The following LIN28B variants were observed in gnomAD, a reference collection of about 807,000 sequenced individuals.
LIN28B encodes lin-28 RNA binding posttranscriptional regulator B.
Under a neutral mutation model 21.9 loss-of-function variants are expected in LIN28B, and 5 were observed. The ratio of observed to expected loss-of-function variants is 0.23; its 90% CI spans 0.12 to 0.48. The LOEUF (loss-of-function observed/expected upper bound fraction) is 0.48. Ranked by LOEUF, LIN28B falls within the 20% of genes least tolerant of loss-of-function variation. The probability of loss-of-function intolerance (pLI) is 0.98; values close to 1 mark genes in which losing one functional copy is unlikely to be tolerated. For synonymous variants in LIN28B, 109 were observed against 111.3 expected (o/e 0.98, Z 0.13); for missense variants, 245 against 310.5 (o/e 0.79, Z 1.58).
intron 3 of LIN28B, among the ~76,000 whole-genome samples, chr6:105,048,063 A>G (rs896995024): frequency 1.3e-5 from 2 of 152,108 alleles, no homozygotes; most frequent in African/African-American, 4.8e-5. Flanking sequence ...GTGTTGAATA[A>G]GAGTGGTGAG....
At position 105,026,405 on chromosome 6, in the gene LIN28B, T is replaced by G. The variant is rs751434956; in HGVS notation, c.306T>G (p.Pro102=). ...KGLESIRVTG[P]GGSPCLGSER... is the part of the protein sequence containing the mutation. The stretch of plus-strand genomic sequence containing the variant: ...TTGAGTCAATACGGGTAACAGGACC[T>G]GGTGGGAGCCCCTGTTTAGGAAGTG... Residue 102 remains proline (P), a synonymous_variant, in exon 3 of 4, where the codon CCT becomes CCG. Transcript: ENST00000345080. 2.4e-5 allele frequency: 38 copies of G among 1,612,020 alleles called. No homozygotes were observed. Among genetic ancestry groups the G allele is most frequent in the Non-Finnish European group, 3.1e-5 (36 of 1,178,848 alleles).
chr6:105,029,104 G>A (rs575087851), intron 3 of LIN28B, among the ~76,000 whole-genome samples: 2 of 152,308 alleles, frequency 1.3e-5, no homozygotes, highest in South Asian at 2.1e-4. Context: ...TGACAAGAAC[G>A]GGCTGAGTGG....
intron 3 of LIN28B, among the ~76,000 whole-genome samples, chr6:105,053,646 C>T (rs566347033): frequency 6.7e-6 from 1 of 148,862 alleles, no homozygotes; most frequent in East Asian, 2.0e-4. Flanking sequence ...TTTGAAGTAT[C>T]CTTTGTCTGA....
chr6:105,054,991 T>C (rs1490199256), intron 3 of LIN28B, among the ~76,000 whole-genome samples: 1 of 152,208 alleles, frequency 6.6e-6, no homozygotes, highest in Non-Finnish European at 1.5e-5. Context: ...ACTTGTCAAC[T>C]GGTCTTCATT....
chr6:104,964,030 T>C (rs1769806824), intron 2 of LIN28B, among the ~76,000 whole-genome samples: 1 of 152,248 alleles, frequency 6.6e-6, no homozygotes, highest in South Asian at 2.1e-4. Flanking sequence ...AGTCCTTCAC[T>C]GTAATTTTTG....
chr6:105,012,766 C>A (rs1487750847), intron 2 of LIN28B, among the ~76,000 whole-genome samples: 7 of 151,948 alleles, frequency 4.6e-5, no homozygotes, highest in Non-Finnish European at 1.0e-4. Flanking sequence ...ATGGATAAAC[C>A]CCTAATATAC....
At chr6:104,941,259 G>T (rs898389641) in intron 2 of LIN28B, 4 of 152,292 alleles carry the variant, frequency 2.6e-5, no homozygotes, top group African/African-American at 9.6e-5. Context: ...TCCTTCGCCG[G>T]CCCTGATTTA....
intron 3 of LIN28B, among the ~76,000 whole-genome samples, chr6:105,069,751 T>C (rs1464324840): frequency 6.6e-6 from 1 of 151,874 alleles, no homozygotes; most frequent in African/African-American, 2.4e-5. Flanking sequence ...ATTGAACCTG[T>C]TCTTGATTGA....
intron 3 of LIN28B, among the ~76,000 whole-genome samples, chr6:105,033,923 A>G (rs971637077): frequency 1.3e-5 from 2 of 151,702 alleles, no homozygotes; most frequent in Admixed American, 1.3e-4. Context: ...CCTGTAGTAC[A>G]TAATTAAATA....
chr6:105,063,844 A>ATT (rs56230771), intron 3 of LIN28B, among the ~76,000 whole-genome samples: 114,274 of 147,452 alleles, frequency 0.77, 45,032 homozygotes, highest in Non-Finnish European at 0.86. Flanking sequence ...CAGTCTTAAA[A>ATT]TTTTTTTTTT....
intron 2 of LIN28B, chr6:104,940,226 A>G (rs1778062347): frequency 5.9e-6 from 1 of 169,018 alleles, no homozygotes; most frequent in Admixed American, 6.5e-5. Context: ...GTAGTAAAAG[A>G]AAAGAAGACC....
At chr6:104,988,361 A>G (rs1441454234) in intron 2 of LIN28B, among the ~76,000 whole-genome samples, 1 of 151,808 alleles carries the variant, frequency 6.6e-6, no homozygotes, top group Admixed American at 6.6e-5. Flanking sequence ...CCAGATATAA[A>G]GCCTGATTTA....
chr6:104,997,278 C>T (rs1770627715), intron 2 of LIN28B, among the ~76,000 whole-genome samples: 1 of 131,544 alleles, frequency 7.6e-6, no homozygotes, highest in Admixed American at 8.1e-5. Context: ...GAGACTCCGT[C>T]TCAAAAAAAA....
intron 2 of LIN28B, among the ~76,000 whole-genome samples, chr6:104,985,630 T>C (rs1482257802): frequency 6.6e-6 from 1 of 152,158 alleles, no homozygotes; most frequent in Non-Finnish European, 1.5e-5. Flanking sequence ...TTTGAGTAAG[T>C]CCAATTTATA....
chr6:104,977,422 CT>C (rs922533862), intron 2 of LIN28B, among the ~76,000 whole-genome samples: 2 of 152,158 alleles, frequency 1.3e-5, no homozygotes, highest in African/African-American at 4.8e-5. Context: ...CTTCAAAACC[CT>C]TTATAAATAA....
chr6:104,957,246 G>A lies in LIN28B; in HGVS notation c.-5G>A, dbSNP rs1456632039. On this transcript the variant is annotated 5_prime_UTR_variant, in exon 1 of 4. Transcript: ENST00000345080. ...GAGTTTGGAGCTGAGGGCCCGTGGG[G>A]CAACATGGCCGAAGGTTAATTTTCT... is the stretch of plus-strand genomic sequence containing the variant. 1.2e-5 allele frequency: 20 copies of A among 1,611,700 alleles called. No homozygotes were observed. Among genetic ancestry groups the A allele is most frequent in the Non-Finnish European group, 1.7e-5 (20 of 1,178,468 alleles).
intron 2 of LIN28B, among the ~76,000 whole-genome samples, chr6:104,949,814 A>G (rs1459916764): frequency 2.0e-5 from 3 of 152,190 alleles, no homozygotes; most frequent in Admixed American, 6.5e-5. Context: ...CAATGGATGT[A>G]TTAGAAACAT....
At chr6:105,059,645 G>A (rs1772088202) in intron 3 of LIN28B, among the ~76,000 whole-genome samples, 1 of 152,166 alleles carries the variant, frequency 6.6e-6, no homozygotes, top group Non-Finnish European at 1.5e-5. Context: ...CCCAAAAGAT[G>A]AAGCTTCTGC....
At chr6:104,955,606 T>G (rs1172502516), upstream of LIN28B, among the ~76,000 whole-genome samples, 1 of 151,912 alleles carries the variant, frequency 6.6e-6, no homozygotes, top group African/African-American at 2.4e-5. Flanking sequence ...CGATTCATAA[T>G]CCCTACATTT....
Sources: allele counts gnomAD v4.1 joint callset (sites outside exome capture counted in the v4.1 genomes callset), GRCh38; gene constraint gnomAD v4.1.1; transcripts MANE v1.5; gene names NCBI Gene and HGNC (gene_info 2026-07-23, HGNC 2026-07-21).